The following PRKN variants were observed in gnomAD, a reference collection of about 807,000 sequenced individuals.
The protein encoded by PRKN is parkin RBR E3 ubiquitin protein ligase.
A neutral mutation model predicts 59.5 loss-of-function variants in PRKN; 56 were observed. That is an observed-to-expected ratio of 0.94 (90% CI 0.76 to 1.18). The LOEUF is 1.18. Among genes scored for constraint, PRKN ranks in the 50% most tolerant of loss-of-function variants. The probability of loss-of-function intolerance (pLI) is 0.00; values close to 1 mark genes in which losing one functional copy is unlikely to be tolerated. For synonymous variants in PRKN, 250 were observed against 222.1 expected (o/e 1.13, Z -1.12); for missense variants, 657 against 596.4 (o/e 1.10, Z -1.06).
intron 1 of PRKN, among the ~76,000 whole-genome samples, chr6:162,620,344 T>C (rs964322304): frequency 6.6e-6 from 1 of 152,174 alleles, no homozygotes; most frequent in East Asian, 1.9e-4. Flanking sequence ...CTGGTTATTG[T>C]TAATTACATT....
chr6:162,208,686 C>T (rs1040559928), intron 3 of PRKN, among the ~76,000 whole-genome samples: 25 of 152,166 alleles, frequency 1.6e-4, no homozygotes, highest in Middle Eastern at 3.4e-3. Flanking sequence ...GAAATGGATA[C>T]GGGCCAGGAA....
chr6:162,503,750 AACTCGG>A (rs1793482679), intron 1 of PRKN, among the ~76,000 whole-genome samples: 1 of 152,194 alleles, frequency 6.6e-6, no homozygotes. Flanking sequence ...GATACAGCTG[AACTCGG>A]AGGATCCGAA....
intron 7 of PRKN, among the ~76,000 whole-genome samples, chr6:161,616,502 G>C (rs1782700298): frequency 6.6e-6 from 1 of 151,288 alleles, no homozygotes; most frequent in South Asian, 2.1e-4. Context: ...ATAGTGGTTT[G>C]CTGCACCCAT....
intron 4 of PRKN, among the ~76,000 whole-genome samples, chr6:162,128,656 C>T (rs1781221028): frequency 6.6e-6 from 1 of 152,114 alleles, no homozygotes; most frequent in Non-Finnish European, 1.5e-5. Context: ...ATGTATACCT[C>T]CCAAAATTTA....
chr6:162,498,392 C>CTTTTT (rs1562332523), intron 1 of PRKN, among the ~76,000 whole-genome samples: 1 of 39,338 alleles, frequency 2.5e-5, no homozygotes. Flanking sequence ...TTCTTTCTTT[C>CTTTTT]CTTTTTTTTT....
chr6:162,352,202 G>A (rs1430824346), intron 2 of PRKN, among the ~76,000 whole-genome samples: 1 of 152,134 alleles, frequency 6.6e-6, no homozygotes, highest in African/African-American at 2.4e-5. Context: ...GGCAATATCT[G>A]GAAGATCTCT....
chr6:162,530,630 G>GA (rs1416507795), intron 1 of PRKN, among the ~76,000 whole-genome samples: 4 of 152,184 alleles, frequency 2.6e-5, no homozygotes, highest in Non-Finnish European at 5.9e-5. Context: ...AATGCAGTGA[G>GA]AAAAGCACTG....
chr6:161,778,070 G>A (rs1790035954), intron 7 of PRKN, among the ~76,000 whole-genome samples: 1 of 151,786 alleles, frequency 6.6e-6, no homozygotes, highest in Non-Finnish European at 1.5e-5. Context: ...TGGGCTAGGG[G>A]CAGGGTGGAG....
chr6:162,039,453 T>C (rs1783977807), intron 5 of PRKN, among the ~76,000 whole-genome samples: 1 of 152,144 alleles, frequency 6.6e-6, no homozygotes, highest in Admixed American at 6.5e-5. Flanking sequence ...AGTGAATGAC[T>C]TCTCATTGTT....
chr6:162,278,418 C>T (rs1273321652), intron 2 of PRKN, among the ~76,000 whole-genome samples: 2 of 151,950 alleles, frequency 1.3e-5, no homozygotes, highest in African/African-American at 4.8e-5. Flanking sequence ...CAAGAGTGTA[C>T]CCTCATGTAA....
chr6:162,165,523 G>T (rs1373911056), intron 4 of PRKN, among the ~76,000 whole-genome samples: 2 of 149,272 alleles, frequency 1.3e-5, no homozygotes, highest in South Asian at 2.1e-4. Flanking sequence ...ATCACGAAAA[G>T]AAAAATATGA....
At chr6:162,491,291 C>G (rs1792804123) in intron 1 of PRKN, among the ~76,000 whole-genome samples, 2 of 150,058 alleles carry the variant, frequency 1.3e-5, no homozygotes, top group Non-Finnish European at 3.0e-5. Flanking sequence ...AAAAAACCAA[C>G]CAACCAAGGA....
intron 1 of PRKN, among the ~76,000 whole-genome samples, chr6:162,592,461 C>A (rs1781348653): frequency 6.6e-6 from 1 of 152,160 alleles, no homozygotes; most frequent in African/African-American, 2.4e-5. Flanking sequence ...GGTTACTTGT[C>A]CCCATTTGGG....
intron 4 of PRKN, among the ~76,000 whole-genome samples, chr6:162,177,735 A>G (rs964476653): frequency 2.6e-5 from 4 of 152,174 alleles, no homozygotes; most frequent in African/African-American, 9.7e-5. Flanking sequence ...TTGTCTGTAC[A>G]TTTAATAAAG....
chr6:162,664,594 C>T (rs753746983), intron 1 of PRKN, among the ~76,000 whole-genome samples: 23 of 152,004 alleles, frequency 1.5e-4, no homozygotes, highest in Non-Finnish European at 2.9e-4. Context: ...TTCTGACTGG[C>T]GTGGCATGGT....
chr6:162,406,892 G>C (rs1562740144), intron 2 of PRKN, among the ~76,000 whole-genome samples: 1 of 151,946 alleles, frequency 6.6e-6, no homozygotes, highest in South Asian at 2.1e-4. Context: ...AGTAGATCTG[G>C]TATGGCTCTA....
rs535819226 is a variant in PRKN at position 161,549,806 on chromosome 6, T to C, written c.934-803A>G. 6.6e-6 allele frequency among the ~76,000 whole-genome samples: 1 copy of C among 152,320 alleles called. No homozygotes were observed. Among genetic ancestry groups the C allele is most frequent in the South Asian group, 2.1e-4 (1 of 4,828 alleles). On this transcript the variant is annotated intron_variant, in intron 8 of 11. Transcript: ENST00000366898. The surrounding 1 kb of genome is among the most constrained non-coding windows in gnomAD (Gnocchi z 6.0). The stretch of plus-strand genomic sequence containing the variant: ...ATTAATTAAATAATGCAACATTTAT[T>C]GAGAGCCTACTACATTCCAGACTCT...
intron 6 of PRKN, among the ~76,000 whole-genome samples, chr6:161,806,297 C>G (rs937334699): frequency 1.3e-5 from 2 of 152,168 alleles, no homozygotes; most frequent in Non-Finnish European, 2.9e-5. Context: ...CTGACGGGCC[C>G]TGATATCGCA....
chr6:161,762,931 A>G (rs1789262022), intron 7 of PRKN, among the ~76,000 whole-genome samples: 1 of 152,228 alleles, frequency 6.6e-6, no homozygotes, highest in Non-Finnish European at 1.5e-5. Flanking sequence ...ATTTAAGTAG[A>G]CAAAAAATGG....
Sources: gnomAD v4.1 joint callset for allele counts (sites outside exome capture counted in the v4.1 genomes callset) on GRCh38, gnomAD v4.1.1 for gene constraint, Gnocchi (gnomAD v3.1) non-coding constraint, MANE v1.5 for transcripts, NCBI Gene and HGNC (gene_info 2026-07-23, HGNC 2026-07-21) for gene names.